LIN9: variants seen among roughly 807,000 people sequenced by gnomAD.
LIN9 encodes protein lin-9 homolog.
In LIN9, 18 loss-of-function variants were observed where a neutral mutation model predicts 78.0. The observed-to-expected ratio is 0.23, with a 90% CI of 0.16 to 0.34. The LOEUF (loss-of-function observed/expected upper bound fraction) is 0.34. LIN9 is among the 10% of genes least tolerant of loss of function. The pLI, the probability that LIN9 is intolerant of heterozygous loss-of-function variation, is 1.00. For missense variants in LIN9, 451 were observed against 644.1 expected, an observed-to-expected ratio of 0.70 and a Z score of 3.25; for synonymous variants, 192 against 215.2, an observed-to-expected ratio of 0.89 and a Z score of 0.94.
intron 10 of LIN9, among the ~76,000 whole-genome samples, 189 bp from the exon 11 acceptor site, chr1:226,251,108 G>A (rs1294148103): frequency 6.6e-6 from 1 of 152,126 alleles, no homozygotes; most frequent in Non-Finnish European, 1.5e-5. Context: ...CCAGGCTGGA[G>A]TGCAGTGGCA....
chr1:226,292,190 T>TCA (rs1661834038), intron 4 of LIN9, among the ~76,000 whole-genome samples: 1 of 152,166 alleles, frequency 6.6e-6, no homozygotes. Context: ...AGATAGGGTC[T>TCA]CACTCTGTCA....
intron 12 of LIN9, among the ~76,000 whole-genome samples, chr1:226,238,550 G>A (rs1318185342): frequency 6.6e-6 from 1 of 151,914 alleles, no homozygotes; most frequent in Non-Finnish European, 1.5e-5. Flanking sequence ...AGCCTGGGAA[G>A]TTGAGGCTGT....
chr1:226,259,603 C>A (rs1237044439), intron 10 of LIN9, among the ~76,000 whole-genome samples: 1 of 152,160 alleles, frequency 6.6e-6, no homozygotes, highest in Non-Finnish European at 1.5e-5. Flanking sequence ...TATGCTCTTA[C>A]ACCACAATGA....
intron 6 of LIN9, among the ~76,000 whole-genome samples, chr1:226,278,167 G>A (rs1249666367): frequency 6.6e-6 from 1 of 152,152 alleles, no homozygotes; most frequent in Non-Finnish European, 1.5e-5. Context: ...GGTGGCTCAC[G>A]CCTGTTATCC....
intron 10 of LIN9, among the ~76,000 whole-genome samples, chr1:226,251,578 T>A (rs1224394353): frequency 6.6e-6 from 1 of 152,200 alleles, no homozygotes; most frequent in Non-Finnish European, 1.5e-5. Flanking sequence ...GCCAGACTGG[T>A]CTCGAACTCC....
chr1:226,241,124 A>G (rs2102841673), intron 11 of LIN9, among the ~76,000 whole-genome samples: 1 of 152,332 alleles, frequency 6.6e-6, no homozygotes, highest in East Asian at 1.9e-4. Flanking sequence ...TATCCAGGAC[A>G]TCCTACTTTT....
intron 12 of LIN9, among the ~76,000 whole-genome samples, chr1:226,234,404 C>A (rs1657550504): frequency 6.6e-6 from 1 of 152,138 alleles, no homozygotes; most frequent in East Asian, 1.9e-4. Context: ...TCAGTATGAA[C>A]CCATACTGAC....
At chr1:226,282,846 A>G (rs1336256492) in intron 6 of LIN9, among the ~76,000 whole-genome samples, 2 of 152,158 alleles carry the variant, frequency 1.3e-5, no homozygotes, top group African/African-American at 2.4e-5. Flanking sequence ...AAAAACAAAA[A>G]AAACTGTATC....
intron 10 of LIN9, among the ~76,000 whole-genome samples, chr1:226,263,653 CAAGTGTCTT>C (rs1659737401): frequency 6.6e-6 from 1 of 152,110 alleles, no homozygotes; most frequent in Non-Finnish European, 1.5e-5. Context: ...AAATTAAAAA[CAAGTGTCTT>C]CTTTGTGAAA....
chr1:226,236,331 T>C (rs1657705233), intron 12 of LIN9, among the ~76,000 whole-genome samples: 1 of 151,672 alleles, frequency 6.6e-6, no homozygotes, highest in Non-Finnish European at 1.5e-5. Flanking sequence ...GATAATGCCA[T>C]CTTCCAGTAC....
chr1:226,309,652 C>T (rs1279377076), upstream of LIN9: 1 of 1,276,454 alleles, frequency 7.8e-7, no homozygotes, highest in Non-Finnish European at 1.0e-6. Context: ...GTTGCTTGGG[C>T]GCCTCCGTCC....
Position 226,266,195 on chromosome 1 carries a change from T to G in LIN9, c.936+18A>C. On this transcript the variant is annotated intron_variant, in intron 9 of 14. Transcript: ENST00000681046. ...ATAAAAATCAATTAAATTATTGATATTTCTAAAATATACTTACTATAATTG... is the reference window on the plus strand; with the variant it reads ...ATAAAAATCAATTAAATTATTGATAGTTCTAAAATATACTTACTATAATTG... 6.7e-7 allele frequency: 1 copy of G among 1,499,756 alleles called. No homozygotes were observed. 92.9% of individuals were successfully genotyped at this position (1,499,756 alleles called of 1,614,324 possible). A position where few individuals can be genotyped will look rare whatever the true frequency, so the allele number is the denominator to read the frequency against.
rs1659823607 is a variant in LIN9, at chr1:226,265,019, G to C, written c.1038+514C>G. 6.6e-6 allele frequency among the ~76,000 whole-genome samples: 1 copy of C among 152,108 alleles called. No individual in the cohort carries two copies. The highest frequency in any genetic ancestry group is 6.5e-5 in the Admixed American group (1 of 15,270). On this transcript the variant is annotated intron_variant, in intron 10 of 14. Coordinates refer to ENST00000681046, the MANE Select transcript of LIN9 (RefSeq NM_001366245.2). This position sits in a 1 kb window ranked among gnomAD's most constrained non-coding sequence, Gnocchi z 4.1. ...TACATTTTTAAGAGTCCAGCTATAA[G>C]GAAATTTTCCAATATAATACTTCTA...
intron 7 of LIN9, among the ~76,000 whole-genome samples, chr1:226,271,306 T>C (rs1576319217): frequency 6.6e-6 from 1 of 152,248 alleles, no homozygotes; most frequent in East Asian, 1.9e-4. Flanking sequence ...AGATTCTTTG[T>C]TCCTACAGCA....
intron 6 of LIN9, among the ~76,000 whole-genome samples, chr1:226,284,616 C>T (rs1661287769): frequency 1.3e-5 from 2 of 152,060 alleles, no homozygotes; most frequent in African/African-American, 4.8e-5. Context: ...CCCAGCTACT[C>T]AGGAGGCTGA....
chr1:226,278,057 A>G (rs1404539154), intron 6 of LIN9, 125 bp from the exon 7 acceptor site: 2 of 704,676 alleles, frequency 2.8e-6, no homozygotes, highest in Non-Finnish European at 4.5e-6. Flanking sequence ...CAGTGGCACA[A>G]TCTTGGCTCA....
chr1:226,247,875 T>C (rs1024802540), intron 11 of LIN9, among the ~76,000 whole-genome samples: 10 of 152,128 alleles, frequency 6.6e-5, no homozygotes, highest in African/African-American at 2.2e-4. Flanking sequence ...GGTTTTGCCA[T>C]GTTGGCCAGG....
In LIN9 at chr1:226,287,728, G is replaced by C; in HGVS notation, c.334C>G (p.Leu112Val). Residue 112 changes from leucine (L) to valine (V), a missense_variant, in exon 5 of 15, where the codon CTG becomes GTG. Leu to Val is a conservative substitution (Grantham distance 32). Transcript: ENST00000681046. ...TTATGTGCTTTAGGAAGCTTGAGCA[G>C]ATTACGTAATCGAAAACCAATCTTC... The part of the protein sequence containing the change: ...SQKIGFRLRN[L>V]LKLPKAHKWC... 6.4e-7 allele frequency: 1 copy of C among 1,553,616 alleles called. No homozygotes were observed. Among genetic ancestry groups the C allele is most frequent in the Non-Finnish European group, 8.6e-7 (1 of 1,160,412 alleles).
intron 11 of LIN9, among the ~76,000 whole-genome samples, chr1:226,239,478 G>A (rs912133869): frequency 1.3e-5 from 2 of 152,128 alleles, no homozygotes; most frequent in African/African-American, 2.4e-5. Flanking sequence ...ATCAATTGAC[G>A]CTGTACCTGG....
Sources: allele counts gnomAD v4.1 joint callset (sites outside exome capture counted in the v4.1 genomes callset), GRCh38; gene constraint gnomAD v4.1.1; non-coding constraint Gnocchi (gnomAD v3.1); transcripts MANE v1.5; gene names NCBI Gene and HGNC (gene_info 2026-07-23, HGNC 2026-07-21).